SESTD1: variants seen among roughly 807,000 people sequenced by gnomAD.
The protein encoded by SESTD1 is SEC14 domain and spectrin repeat-containing protein 1.
SESTD1 carries 43 observed loss-of-function variants against 101.7 expected under a neutral mutation model. That is an observed-to-expected ratio of 0.42 (90% CI 0.33 to 0.55). The LOEUF is 0.55. SESTD1 is among the 20% of genes least tolerant of loss of function. SESTD1 has a pLI of 0.07. For missense variants in SESTD1, 647 were observed against 815.1 expected (o/e 0.79, Z 2.51); for synonymous variants, 283 against 286.8 (o/e 0.99, Z 0.13).
chr2:179,130,740 A>G (rs2044992928), intron 10 of SESTD1, among the ~76,000 whole-genome samples: 1 of 152,094 alleles, frequency 6.6e-6, no homozygotes, highest in Admixed American at 6.5e-5. Context: ...GGTGAAGTCT[A>G]GAATGTTCTA....
intron 5 of SESTD1, among the ~76,000 whole-genome samples, chr2:179,165,082 G>A (rs528344486): frequency 3.3e-5 from 5 of 152,246 alleles, no homozygotes; most frequent in African/African-American, 1.2e-4. Context: ...TTAATGGATA[G>A]TGTTGAACTG....
intron 1 of SESTD1, among the ~76,000 whole-genome samples, chr2:179,222,876 C>T (rs959206995): frequency 1.5e-4 from 23 of 152,252 alleles, no homozygotes; most frequent in African/African-American, 4.6e-4. Context: ...CACTATATTA[C>T]ATTGTCACAT....
intron 1 of SESTD1, among the ~76,000 whole-genome samples, chr2:179,242,972 G>A (rs1559158901): frequency 6.6e-6 from 1 of 152,100 alleles, no homozygotes. Flanking sequence ...AAACTAAAGA[G>A]CTTCTGCACA....
intron 5 of SESTD1, among the ~76,000 whole-genome samples, chr2:179,170,735 C>A (rs544007074): frequency 6.6e-6 from 1 of 152,206 alleles, no homozygotes; most frequent in African/African-American, 2.4e-5. Context: ...CATGGCCACT[C>A]CTCTCCCTCC....
At chr2:179,254,243 G>C (rs982516413) in intron 1 of SESTD1, among the ~76,000 whole-genome samples, 5 of 152,062 alleles carry the variant, frequency 3.3e-5, no homozygotes, top group Non-Finnish European at 7.4e-5. Context: ...GAGGATTAAT[G>C]AGAAAAAAAA....
intron 9 of SESTD1, among the ~76,000 whole-genome samples, chr2:179,133,743 TA>T (rs939276326): frequency 4.6e-5 from 7 of 152,254 alleles, no homozygotes; most frequent in Non-Finnish European, 8.8e-5. Context: ...TTTACCAGGT[TA>T]AAAAAATATA....
chr2:179,103,753 T>C lies in SESTD1; in HGVS notation c.*6146A>G, dbSNP rs1012040447. 1.3e-5 allele frequency: 2 copies of C among 152,116 alleles called. No homozygotes were observed. The highest frequency in any genetic ancestry group is 4.8e-5 in the African/African-American group (2 of 41,416). 9.4% of individuals were successfully genotyped at this position (152,116 alleles called of 1,614,324 possible). ...TTGAGGGTCAAGTAGGGACAGGAAT[T>C]GACTGGAAAGGGCAGTGTGGAAACT... On this transcript the variant is annotated 3_prime_UTR_variant, in exon 18 of 18. Transcript: ENST00000428443.
intron 13 of SESTD1, among the ~76,000 whole-genome samples, chr2:179,118,795 T>C (rs1445770796): frequency 1.3e-5 from 2 of 152,208 alleles, no homozygotes. Flanking sequence ...GATGCTCCCA[T>C]TTGCAGAGAT....
chr2:179,109,885 G>T lies in SESTD1; in HGVS notation c.*14C>A, dbSNP rs771420613. 6.2e-7 allele frequency: 1 copy of T among 1,612,936 alleles called. No homozygotes were observed. Among genetic ancestry groups the T allele is most frequent in the Non-Finnish European group, 8.5e-7 (1 of 1,179,498 alleles). ...GGGATTATGAACTGCAAATCTGTAGGTAGCTGGTAGCTATTAGCTCTCTGT... is the reference window on the plus strand; with the variant it reads ...GGGATTATGAACTGCAAATCTGTAGTTAGCTGGTAGCTATTAGCTCTCTGT... On this transcript the variant is annotated 3_prime_UTR_variant, in exon 18 of 18. Coordinates refer to ENST00000428443, the MANE Select transcript of SESTD1 (RefSeq NM_178123.5).
Position 179,124,437 on chromosome 2 carries a change from C to A in SESTD1, c.1094G>T (p.Arg365Leu), listed in dbSNP as rs1352397553. The A allele has an allele frequency of 2.5e-6, 4 of 1,613,944 alleles. No homozygotes were observed. Among genetic ancestry groups the A allele is most frequent in the Middle Eastern group, 1.6e-4 (1 of 6,084 alleles). The change falls in exon 11 of 18, where the codon CGA (arginine) becomes CTA (leucine). Residue 365 changes from arginine (R) to leucine (L), a missense_variant. Physicochemically the swap from Arg to Leu is moderately radical, Grantham distance 102. Around this residue, in one of 3 missense-constraint regions of SESTD1, gnomAD observed 476 missense variants for 562.6 expected, o/e 0.85. Coordinates refer to ENST00000428443, the MANE Select transcript of SESTD1 (RefSeq NM_178123.5). ...CCTAAATTCCAGCTGACTGGCCTGT[C>A]GATAACAAACATCACTAAGTTGTTG... ...LQQQLSDVCYRQASQLEFRQN... is the reference protein window; with the variant it reads ...LQQQLSDVCYLQASQLEFRQN...
At chr2:179,243,741 C>T (rs1254776782) in intron 1 of SESTD1, among the ~76,000 whole-genome samples, 4 of 136,068 alleles carry the variant, frequency 2.9e-5, no homozygotes, top group Admixed American at 7.4e-5. Context: ...ACAAGAGACA[C>T]TGGGGCTACT....
chr2:179,261,093 C>T (rs965588929), intron 1 of SESTD1, among the ~76,000 whole-genome samples: 1 of 152,258 alleles, frequency 6.6e-6, no homozygotes, highest in Admixed American at 6.5e-5. Flanking sequence ...ATCGGCTATG[C>T]TATTAAGAAG....
intron 1 of SESTD1, among the ~76,000 whole-genome samples, chr2:179,250,400 T>C (rs758495732): frequency 7.9e-5 from 12 of 152,360 alleles, no homozygotes; most frequent in Middle Eastern, 6.8e-3. Flanking sequence ...GGATCACTCA[T>C]TGTATTATTC....
chr2:179,203,676 G>A lies in SESTD1; in HGVS notation c.-25-11810C>T, dbSNP rs1410975958. On this transcript the variant is annotated intron_variant, in intron 1 of 17. Coordinates refer to ENST00000428443, the MANE Select transcript of SESTD1 (RefSeq NM_178123.5). ...GTGAATTATCGAACCTGAAGGGGTT[G>A]TGGGTGATGAGAACCTTGATTTGCA... is the stretch of plus-strand genomic sequence containing the variant. 3.0e-5 allele frequency among the ~76,000 whole-genome samples: 4 copies of A among 134,994 alleles called. 2 individuals carry two copies. The highest frequency in any genetic ancestry group is 6.4e-5 in the Non-Finnish European group (4 of 62,848). The allele number at this position is 134,994 out of a possible 152,430, so 88.6% of individuals were successfully genotyped here.
In SESTD1 at chr2:179,212,928, C is replaced by A. The variant is rs2046670435; in HGVS notation, c.-25-21062G>T. ...ACCTGACTGTTAGAAGGAAAACTAA[C>A]AAACAGAAAGGAATAGCATCAACAT... On this transcript the variant is annotated intron_variant, in intron 1 of 17. Transcript: ENST00000428443. Among the ~76,000 whole-genome samples, 2 of 135,146 alleles carry A rather than the reference C, an allele frequency of 1.5e-5. 1 individual carries two copies. Among genetic ancestry groups the A allele is most frequent in the South Asian group, 5.6e-4 (2 of 3,544 alleles). The allele number at this position is 135,146 out of a possible 152,430, so 88.7% of individuals were successfully genotyped here.
chr2:179,148,928 C>T (rs542828169), intron 7 of SESTD1, among the ~76,000 whole-genome samples: 3 of 151,668 alleles, frequency 2.0e-5, no homozygotes, highest in Admixed American at 6.6e-5. Flanking sequence ...GGCGAGGTGG[C>T]GGGCGCCTGT....
At chr2:179,202,471 T>G (rs2046531880) in intron 1 of SESTD1, among the ~76,000 whole-genome samples, 2 of 134,808 alleles carry the variant, frequency 1.5e-5, no homozygotes, top group Admixed American at 1.4e-4. Context: ...TGGCTTTTCT[T>G]GATATGTCTA....
chr2:179,156,670 T>C (rs190635406), intron 5 of SESTD1, among the ~76,000 whole-genome samples: 3 of 152,310 alleles, frequency 2.0e-5, no homozygotes, highest in East Asian at 1.9e-4. Context: ...TTTGATGGGA[T>C]TGTTTGCTTT....
At chr2:179,124,824 C>G (rs956851332) in intron 10 of SESTD1, among the ~76,000 whole-genome samples, 3 of 152,146 alleles carry the variant, frequency 2.0e-5, no homozygotes, top group Admixed American at 1.3e-4. Flanking sequence ...ATTACTGTTT[C>G]CATGTCTGAC....
Sources: allele counts gnomAD v4.1 joint callset (sites outside exome capture counted in the v4.1 genomes callset), GRCh38; gene constraint gnomAD v4.1.1; regional missense constraint gnomAD v4.1.1; transcripts MANE v1.5; gene names NCBI Gene and HGNC (gene_info 2026-07-23, HGNC 2026-07-21).